The following ZZZ3 variants were observed in gnomAD, a reference collection of about 807,000 sequenced individuals.
ZZZ3 encodes the protein ZZ-type zinc finger-containing protein 3.
Under a neutral mutation model 95.2 loss-of-function variants are expected in ZZZ3, and 22 were observed. The ratio of observed to expected loss-of-function variants is 0.23; its 90% CI spans 0.17 to 0.33. The LOEUF (loss-of-function observed/expected upper bound fraction) is 0.33. Among genes scored for constraint, ZZZ3 ranks in the 10% least tolerant of loss-of-function variants. ZZZ3 has a pLI of 1.00. For missense variants in ZZZ3, 885 were observed against 1,066.5 expected, an observed-to-expected ratio of 0.83 and a Z score of 2.37; for synonymous variants, 335 against 358.9, an observed-to-expected ratio of 0.93 and a Z score of 0.75.
At chr1:77,610,597 T>TA (rs998678273) in intron 5 of ZZZ3, among the ~76,000 whole-genome samples, 29 of 146,098 alleles carry the variant, frequency 2.0e-4, no homozygotes, top group Middle Eastern at 3.5e-3. Context: ...AACAATACAT[T>TA]AAAAAAAAAA....
Position 77,568,468 on chromosome 1 carries a change from T to G in ZZZ3, c.2332-2A>C. On this transcript the variant is annotated splice_acceptor_variant, in intron 12 of 14. Transcript: ENST00000370801. LOFTEE classifies it high-confidence loss of function. The stretch of plus-strand genomic sequence containing the variant: ...CATGATAGGAATACTTTCGTCATCC[T>G]ATCAAAAAAAAAAAAAAAAAAAAAT... 2 of 672,982 alleles carry G rather than the reference T, an allele frequency of 3.0e-6. No individual in the cohort carries two copies. Among genetic ancestry groups the G allele is most frequent in the South Asian group, 3.6e-5 (1 of 27,404 alleles). 41.7% of individuals were successfully genotyped at this position (672,982 alleles called of 1,614,324 possible).
At chr1:77,601,124 T>C (rs1041357253) in intron 5 of ZZZ3, among the ~76,000 whole-genome samples, 1 of 152,070 alleles carries the variant, frequency 6.6e-6, no homozygotes, top group South Asian at 2.1e-4. Flanking sequence ...ATAGAAAAGG[T>C]AAGTAGGGTG....
intron 11 of ZZZ3, among the ~76,000 whole-genome samples, chr1:77,578,557 T>G (rs543880363): frequency 6.6e-5 from 10 of 152,316 alleles, no homozygotes; most frequent in African/African-American, 2.4e-4. Flanking sequence ...TAGCACTCAT[T>G]CACATTACTC....
chr1:77,612,141 C>T (rs1665872603), intron 5 of ZZZ3, among the ~76,000 whole-genome samples: 1 of 151,878 alleles, frequency 6.6e-6, no homozygotes, highest in Admixed American at 6.6e-5. Flanking sequence ...AGGAGTTGAA[C>T]AGATATTTCT....
At chr1:77,603,468 T>C (rs994981396) in intron 5 of ZZZ3, among the ~76,000 whole-genome samples, 3 of 152,344 alleles carry the variant, frequency 2.0e-5, no homozygotes, top group Admixed American at 2.0e-4. Context: ...AAAGTGAAGA[T>C]TGTATTTCTC....
chr1:77,624,203 T>C (rs1221911978), intron 5 of ZZZ3, among the ~76,000 whole-genome samples: 1 of 152,196 alleles, frequency 6.6e-6, no homozygotes, highest in African/African-American at 2.4e-5. Flanking sequence ...TTGATCCCAG[T>C]TCCTGACACA....
intron 5 of ZZZ3, among the ~76,000 whole-genome samples, chr1:77,598,116 T>C (rs963629476): frequency 2.0e-5 from 3 of 152,096 alleles, no homozygotes; most frequent in Non-Finnish European, 4.4e-5. Flanking sequence ...CAGTCTAAAA[T>C]ACTTTTGACT....
intron 5 of ZZZ3, among the ~76,000 whole-genome samples, chr1:77,607,003 A>AG (rs1420721657): frequency 6.6e-6 from 1 of 152,248 alleles, no homozygotes; most frequent in Non-Finnish European, 1.5e-5. Flanking sequence ...ACAAGGCACC[A>AG]GGGACCAATC....
At chr1:77,568,941 T>C (rs899620748) in intron 12 of ZZZ3, among the ~76,000 whole-genome samples, 1 of 152,198 alleles carries the variant, frequency 6.6e-6, no homozygotes, top group African/African-American at 2.4e-5. Flanking sequence ...CTCCCAATGA[T>C]CAAAGTAGAA....
chr1:77,608,896 C>A (rs1665506243), intron 5 of ZZZ3, among the ~76,000 whole-genome samples: 1 of 151,868 alleles, frequency 6.6e-6, no homozygotes, highest in South Asian at 2.1e-4. Context: ...ACATATAACA[C>A]ATACACAAAA....
intron 1 of ZZZ3, among the ~76,000 whole-genome samples, chr1:77,676,818 T>C (rs529311292): frequency 6.6e-6 from 1 of 151,844 alleles, no homozygotes; most frequent in East Asian, 1.9e-4. Flanking sequence ...AACAAAAAAA[T>C]GAGAAAAATT....
chr1:77,566,219 CTG>C (rs1243430325), intron 13 of ZZZ3, 38 bp from the exon 14 acceptor site: 1 of 1,420,360 alleles, frequency 7.0e-7, no homozygotes. Context: ...TTAAGTTATA[CTG>C]TTCCACGATC....
At chr1:77,640,695 A>G (rs1263990898) in intron 3 of ZZZ3, among the ~76,000 whole-genome samples, 1 of 152,172 alleles carries the variant, frequency 6.6e-6, no homozygotes, top group Non-Finnish European at 1.5e-5. Flanking sequence ...GAAAACGACC[A>G]GCAGATGTTT....
At chr1:77,649,017 C>T (rs1669560089) in intron 1 of ZZZ3, among the ~76,000 whole-genome samples, 1 of 152,080 alleles carries the variant, frequency 6.6e-6, no homozygotes, top group Non-Finnish European at 1.5e-5. Flanking sequence ...GTCCCAGCTA[C>T]TTGGGAGGCT....
chr1:77,594,327 A>G (rs936872902), intron 5 of ZZZ3, among the ~76,000 whole-genome samples: 1 of 152,152 alleles, frequency 6.6e-6, no homozygotes, highest in Admixed American at 6.5e-5. Flanking sequence ...CTAGGTCACT[A>G]AACAGTATAC....
intron 5 of ZZZ3, among the ~76,000 whole-genome samples, chr1:77,625,622 CA>C (rs1477045490): frequency 6.6e-6 from 1 of 151,990 alleles, no homozygotes; most frequent in Non-Finnish European, 1.5e-5. Flanking sequence ...AGGAAAAAAA[CA>C]GACCTATTCT....
chr1:77,602,787 G>A (rs1664860757), intron 5 of ZZZ3, among the ~76,000 whole-genome samples: 2 of 151,734 alleles, frequency 1.3e-5, no homozygotes, highest in Admixed American at 1.3e-4. Flanking sequence ...TGTATTTTTA[G>A]TAGAGACGGG....
At chr1:77,598,110 C>T (rs1664387231) in intron 5 of ZZZ3, among the ~76,000 whole-genome samples, 1 of 152,086 alleles carries the variant, frequency 6.6e-6, no homozygotes, top group Non-Finnish European at 1.5e-5. Flanking sequence ...CCACTGCAGT[C>T]TAAAATACTT....
rs1366978279 is a variant in ZZZ3 at position 77,584,621 on chromosome 1, C to G, written c.1540G>C (p.Glu514Gln). Residue 514 changes from glutamate (E) to glutamine (Q), a missense_variant, in exon 6 of 15, where the codon GAG becomes CAG. Glu to Gln is a conservative substitution (Grantham distance 29). Around this residue, in one of 5 missense-constraint regions of ZZZ3, gnomAD observed 556 missense variants for 652.9 expected, o/e 0.85. Transcript: ENST00000370801. ...QRLLQTIAVL[E>Q]AQRSQAVQDL... is the part of the protein sequence containing the mutation. ...TGGACTGCTTGAGAACGCTGAGCCT[C>G]GAGTACAGCAATCGTCTGTAATAGT... The G allele has an allele frequency of 1.9e-6, 3 of 1,609,712 alleles. No homozygotes were observed. The highest frequency in any genetic ancestry group is 1.7e-6 in the Non-Finnish European group (2 of 1,178,534).
Sources: gnomAD v4.1 joint callset for allele counts (sites outside exome capture counted in the v4.1 genomes callset) on GRCh38, gnomAD v4.1.1 for gene constraint, gnomAD v4.1.1 regional missense constraint, MANE v1.5 for transcripts, NCBI Gene and HGNC (gene_info 2026-07-23, HGNC 2026-07-21) for gene names.